The following SASH1 variants were observed in gnomAD, a reference collection of about 807,000 sequenced individuals.
The protein encoded by SASH1 is SAM and SH3 domain-containing protein 1.
SASH1 carries 44 observed loss-of-function variants against 125.2 expected under a neutral mutation model. That is an observed-to-expected ratio of 0.35 (90% CI 0.28 to 0.45). SASH1 has a LOEUF of 0.45. SASH1 is among the 20% of genes least tolerant of loss of function. SASH1 has a pLI of 1.00. For synonymous variants in SASH1, 639 were observed against 649.1 expected (o/e 0.98, Z 0.24); for missense variants, 1,426 against 1,614.5 (o/e 0.88, Z 2.00).
At chr6:148,305,059 C>T (rs1440358304) in intron 1 of SASH1, among the ~76,000 whole-genome samples, 3 of 152,106 alleles carry the variant, frequency 2.0e-5, no homozygotes, top group Non-Finnish European at 4.4e-5. Flanking sequence ...ATAACTTCTA[C>T]AGTCTATACT....
At chr6:148,510,177 C>A (rs1323784411) in intron 8 of SASH1, among the ~76,000 whole-genome samples, 1 of 152,070 alleles carries the variant, frequency 6.6e-6, no homozygotes. Context: ...ATAGCATTAG[C>A]CAAAGTAATT....
chr6:148,408,991 T>C (rs1298934287), intron 2 of SASH1, among the ~76,000 whole-genome samples: 1 of 152,238 alleles, frequency 6.6e-6, no homozygotes, highest in African/African-American at 2.4e-5. Context: ...TCGGCTACAT[T>C]CACCTGCTAT....
intron 2 of SASH1, among the ~76,000 whole-genome samples, chr6:148,433,703 T>C (rs1471407148): frequency 6.6e-6 from 1 of 152,114 alleles, no homozygotes; most frequent in African/African-American, 2.4e-5. Flanking sequence ...TGTTTTAACA[T>C]TTCTTAGGTA....
chr6:148,307,999 C>G (rs1222560439), intron 1 of SASH1, among the ~76,000 whole-genome samples: 1 of 152,088 alleles, frequency 6.6e-6, no homozygotes, highest in East Asian at 1.9e-4. Context: ...AGAGAGACAG[C>G]CTGAACACTC....
At chr6:148,433,880 C>T (rs934289845) in intron 2 of SASH1, among the ~76,000 whole-genome samples, 5 of 151,232 alleles carry the variant, frequency 3.3e-5, no homozygotes, top group African/African-American at 1.2e-4. Context: ...TATATGTATA[C>T]TTTTTATTAC....
At chr6:148,542,312 CTA>C in intron 17 of SASH1, among the ~76,000 whole-genome samples, 1 of 152,164 alleles carries the variant, frequency 6.6e-6, no homozygotes, top group Non-Finnish European at 1.5e-5. Context: ...TAATAATTTT[CTA>C]TTTCAACCCA....
intron 1 of SASH1, among the ~76,000 whole-genome samples, chr6:148,380,918 G>A (rs1206202296): frequency 1.3e-5 from 2 of 152,326 alleles, no homozygotes; most frequent in African/African-American, 4.8e-5. Context: ...AAACATTCAT[G>A]TTTTTTGATT....
the SASH1 span, among the ~76,000 whole-genome samples, chr6:148,195,442 G>T: frequency 6.6e-6 from 1 of 152,176 alleles, no homozygotes; most frequent in Non-Finnish European, 1.5e-5. Flanking sequence ...ACTGCTCAAG[G>T]AGTTTTCCAA....
intron 2 of SASH1, among the ~76,000 whole-genome samples, chr6:148,435,538 T>C (rs769796346): frequency 2.0e-5 from 3 of 152,104 alleles, no homozygotes; most frequent in Admixed American, 6.6e-5. Context: ...ATACGATTTT[T>C]CCTTATGACC....
At chr6:148,419,224 A>G (rs1418673548) in intron 2 of SASH1, among the ~76,000 whole-genome samples, 1 of 152,232 alleles carries the variant, frequency 6.6e-6, no homozygotes, top group African/African-American at 2.4e-5. Context: ...ACGTATAGGT[A>G]GAATATTTAA....
At chr6:148,225,061 T>C in the SASH1 span, among the ~76,000 whole-genome samples, 2 of 152,098 alleles carry the variant, frequency 1.3e-5, no homozygotes, top group South Asian at 2.1e-4. Flanking sequence ...CAGGTGAAGA[T>C]AGAACAAACT....
chr6:148,288,166 G>T (rs888734106), intron 1 of SASH1, among the ~76,000 whole-genome samples: 11 of 152,220 alleles, frequency 7.2e-5, no homozygotes, highest in Non-Finnish European at 1.5e-4. Context: ...AGCTGTCAGA[G>T]AGTTTCCCTG....
chr6:148,246,880 A>T, the SASH1 span, among the ~76,000 whole-genome samples: 1 of 152,228 alleles, frequency 6.6e-6, no homozygotes, highest in East Asian at 1.9e-4. Context: ...TTACTGATTC[A>T]TCAAATATTT....
chr6:148,349,184 G>A (rs966507344), intron 1 of SASH1, among the ~76,000 whole-genome samples: 2 of 151,150 alleles, frequency 1.3e-5, no homozygotes, highest in Non-Finnish European at 2.9e-5. Context: ...GAGGCCATTG[G>A]GCATGGGACT....
intron 10 of SASH1, among the ~76,000 whole-genome samples, chr6:148,524,201 T>C (rs533587616): frequency 1.6e-3 from 228 of 139,630 alleles, no homozygotes; most frequent in African/African-American, 5.5e-3. Context: ...TTGAAAATAA[T>C]GGCAAAACTG....
intron 2 of SASH1, among the ~76,000 whole-genome samples, chr6:148,402,269 G>A (rs1267327962): frequency 2.0e-5 from 3 of 152,098 alleles, no homozygotes; most frequent in African/African-American, 2.4e-5. Context: ...ATGGGAAGGC[G>A]GTAATAACAA....
chr6:148,230,019 T>A, the SASH1 span, among the ~76,000 whole-genome samples: 1 of 152,102 alleles, frequency 6.6e-6, no homozygotes, highest in Non-Finnish European at 1.5e-5. Flanking sequence ...GCCAGCACTT[T>A]TATCATCTAT....
chr6:148,511,411 G>A (rs934586962), intron 8 of SASH1, among the ~76,000 whole-genome samples: 12 of 148,850 alleles, frequency 8.1e-5, no homozygotes, highest in African/African-American at 2.7e-4. Context: ...ATTTTTCTTC[G>A]TATAAATTGT....
chr6:148,375,252 A>G (rs1014750239), intron 1 of SASH1, among the ~76,000 whole-genome samples: 5 of 152,058 alleles, frequency 3.3e-5, no homozygotes, highest in African/African-American at 1.2e-4. Context: ...TCAGCCTCCC[A>G]AAGTGCTGGA....
Sources: allele counts gnomAD v4.1 joint callset (sites outside exome capture counted in the v4.1 genomes callset), GRCh38; gene constraint gnomAD v4.1.1; transcripts MANE v1.5; gene names NCBI Gene and HGNC (gene_info 2026-07-23, HGNC 2026-07-21).